Variants in ZNF460 observed in about 807,000 individuals in gnomAD.
ZNF460 encodes zinc finger protein 272.
In ZNF460, 1 loss-of-function variant was observed where a neutral mutation model predicts 8.4. That is an observed-to-expected ratio of 0.12 (90% CI 0.04 to 0.56). The LOEUF is 0.56. Ranked by LOEUF, ZNF460 falls within the 20% of genes least tolerant of loss-of-function variation. The probability of loss-of-function intolerance (pLI) is 0.91; values close to 1 mark genes in which losing one functional copy is unlikely to be tolerated. For missense variants in ZNF460, 477 were observed against 714.8 expected (o/e 0.67, Z 3.79); for synonymous variants, 262 against 259.9 (o/e 1.01, Z -0.08).
rs2087923571 is a variant in ZNF460 at position 57,292,197 on chromosome 19, CG to C, written c.1658del (p.Gly553AspfsTer3). The C allele has an allele frequency of 6.2e-7, 1 of 1,613,536 alleles. No individual in the cohort carries two copies. On this transcript the variant is annotated frameshift_variant, in exon 3 of 3. Coordinates refer to ENST00000360338, the MANE Select transcript of ZNF460 (RefSeq NM_006635.4). LOFTEE classifies it low-confidence loss of function (END_TRUNC). Reference protein sequence around the residue: ...AAHSSSLDINGFIVEETLPL With the variant: ...AAHSSSLDINXFIVEETLPL ...CTCATTCCTCCTCACTCGACATCAA[CG>C]GATTCATAGTGGAAGAAACCCTACC... is the stretch of plus-strand genomic sequence containing the variant.
chr19:57,289,878 C>T (rs1199220618), intron 2 of ZNF460, among the ~76,000 whole-genome samples: 2 of 151,956 alleles, frequency 1.3e-5, no homozygotes, highest in Non-Finnish European at 2.9e-5. Flanking sequence ...GGGTGGCTCA[C>T]ACCTGTAATT....
At position 57,280,550 on chromosome 19, in the gene ZNF460, A is replaced by G. The variant is rs547924839; in HGVS notation, c.-257A>G. The G allele has an allele frequency of 1.1e-5, 6 of 564,526 alleles. No homozygotes were observed. Among genetic ancestry groups the G allele is most frequent in the Non-Finnish European group, 1.9e-5 (6 of 315,862 alleles). The allele number at this position is 564,526 out of a possible 1,614,324, so 35.0% of individuals were successfully genotyped here. ...GCGGCCTGAGCAGGGACGGGTAGTGAAGCGGTTACGCCCCTTCTTCGCGTC... is the reference window on the plus strand; with the variant it reads ...GCGGCCTGAGCAGGGACGGGTAGTGGAGCGGTTACGCCCCTTCTTCGCGTC... On this transcript the variant is annotated 5_prime_UTR_variant, in exon 1 of 3. Transcript: ENST00000360338.
At position 57,290,796 on chromosome 19, in the gene ZNF460, A is replaced by G. The variant is rs748611173; in HGVS notation, c.255A>G (p.Pro85=). Residue 85 remains proline, a synonymous_variant, in exon 3 of 3, where the codon CCA becomes CCG. Coordinates refer to ENST00000360338, the MANE Select transcript of ZNF460 (RefSeq NM_006635.4). ...AGGAACAGCTGGCACAGGGAGTCCC[A>G]AGATACTCCTATTTGGGGCAGGCCA... ...SLQEQLAQGV[P]RYSYLGQAMD... 1 of 1,614,188 alleles carries G rather than the reference A, an allele frequency of 6.2e-7. No homozygotes were observed. The highest frequency in any genetic ancestry group is 8.5e-7 in the Non-Finnish European group (1 of 1,180,038).
chr19:57,280,940 C>A (rs2087833811), intron 1 of ZNF460, 104 bp downstream of exon 1: 10 of 1,517,626 alleles, frequency 6.6e-6, no homozygotes, highest in Non-Finnish European at 8.1e-6. Flanking sequence ...TTGTCGCCAT[C>A]GTTTATTTAA....
At chr19:57,285,201 T>C (rs754388558) in intron 2 of ZNF460, among the ~76,000 whole-genome samples, 4 of 152,124 alleles carry the variant, frequency 2.6e-5, no homozygotes, top group Non-Finnish European at 4.4e-5. Flanking sequence ...TTGCTTTTGG[T>C]CACAGCCAAA....
Position 57,291,951 on chromosome 19 carries a change from C to T in ZNF460, c.1410C>T (p.His470=). Residue 470 remains histidine, a synonymous_variant, in exon 3 of 3, where the codon CAC becomes CAT. Coordinates refer to ENST00000360338, the MANE Select transcript of ZNF460 (RefSeq NM_006635.4). The surrounding 1 kb of genome is among the most constrained non-coding windows in gnomAD (Gnocchi z 8.4). ...TTNLIRHFSI[H]TGEKPYECVE... ...ACCTGATTCGACACTTTAGCATCCA[C>T]ACTGGAGAGAAGCCCTATGAATGCG... The T allele has an allele frequency of 6.2e-7, 1 of 1,613,588 alleles. No homozygotes were observed. Among genetic ancestry groups the T allele is most frequent in the South Asian group, 1.1e-5 (1 of 90,988 alleles).
Position 57,291,725 on chromosome 19 carries a change from A to G in ZNF460, c.1184A>G (p.Lys395Arg). The G allele has an allele frequency of 6.2e-7, 1 of 1,613,968 alleles. No individual in the cohort carries two copies. The highest frequency in any genetic ancestry group is 8.5e-7 in the Non-Finnish European group (1 of 1,179,962). ...AHTGEKPFECKECGKAFSIRK... is the reference protein window; with the variant it reads ...AHTGEKPFECRECGKAFSIRK... ...ACTGGAGAAAAGCCTTTTGAGTGCA[A>G]AGAATGTGGGAAAGCCTTTAGCATT... Residue 395 changes from lysine to arginine, a missense_variant, in exon 3 of 3, where the codon AAA becomes AGA. Coordinates refer to ENST00000360338, the MANE Select transcript of ZNF460 (RefSeq NM_006635.4). The surrounding 1 kb of genome is among the most constrained non-coding windows in gnomAD (Gnocchi z 8.4).
In ZNF460 at chr19:57,292,184, C is replaced by G. The variant is rs1365806460; in HGVS notation, c.1643C>G (p.Ser548Ter). Residue 548 changes from serine to a stop codon, truncating the protein, a stop_gained, in exon 3 of 3, where the codon TCA becomes TGA. Transcript: ENST00000360338. LOFTEE classifies it low-confidence loss of function (END_TRUNC). ...CCTTCAATTGCCGCTCATTCCTCCT[C>G]ACTCGACATCAACGGATTCATAGTG... Reference protein sequence around the residue: ...ETPSIAAHSSSLDINGFIVEE... With the variant: ...ETPSIAAHSS The G allele has an allele frequency of 1.5e-5, 25 of 1,614,088 alleles. No individual in the cohort carries two copies. Among genetic ancestry groups the G allele is most frequent in the Non-Finnish European group, 2.1e-5 (25 of 1,179,942 alleles).
rs2087928722 is a variant in ZNF460 at position 57,292,852 on chromosome 19, A to C, written c.*622A>C. ...CATTGTCTCCACTCTTGAGGAGCAG[A>C]AGCATATATCTTTATGAGAAAGATG... On this transcript the variant is annotated 3_prime_UTR_variant, in exon 3 of 3. Coordinates refer to ENST00000360338, the MANE Select transcript of ZNF460 (RefSeq NM_006635.4). 1 of 152,434 alleles carries C rather than the reference A, an allele frequency of 6.6e-6. No individual in the cohort carries two copies. Among genetic ancestry groups the C allele is most frequent in the Non-Finnish European group, 1.5e-5 (1 of 68,198 alleles). 9.4% of individuals were successfully genotyped at this position (152,434 alleles called of 1,614,324 possible). A position where few individuals can be genotyped will look rare whatever the true frequency, so the allele number is the denominator to read the frequency against.
In ZNF460 at chr19:57,291,111, C is replaced by A. The variant is rs769594663; in HGVS notation, c.570C>A (p.Leu190=). 6.2e-7 allele frequency: 1 copy of A among 1,614,192 alleles called. No homozygotes were observed. Among genetic ancestry groups the A allele is most frequent in the East Asian group, 2.2e-5 (1 of 44,892 alleles). ...NCFLVQHEQI[L]PRVKPYDCPE... is the part of the protein sequence containing the mutation. ...TCCTTGTTCAGCATGAGCAGATTCT[C>A]CCTCGTGTGAAGCCCTATGATTGCC... The change falls in exon 3 of 3, where the codon CTC becomes CTA. Residue 190 remains leucine (L), a synonymous_variant. Coordinates refer to ENST00000360338, the MANE Select transcript of ZNF460 (RefSeq NM_006635.4). This position sits in a 1 kb window ranked among gnomAD's most constrained non-coding sequence, Gnocchi z 8.4.
chr19:57,287,680 C>T (rs1314234373), intron 2 of ZNF460, among the ~76,000 whole-genome samples: 2 of 152,214 alleles, frequency 1.3e-5, no homozygotes, highest in Non-Finnish European at 2.9e-5. Context: ...ATTTCACTTT[C>T]TGACCATGGA....
chr19:57,291,348 G>A lies in ZNF460; in HGVS notation c.807G>A (p.Arg269=), dbSNP rs370941598. The change falls in exon 3 of 3, where the codon CGG becomes CGA. Residue 269 remains arginine (R), a synonymous_variant. Transcript: ENST00000360338. The surrounding 1 kb of genome is among the most constrained non-coding windows in gnomAD (Gnocchi z 8.4). ...TCAATCGCGGGTCGCACCTTACACG[G>A]CACCAGCGGGTTCACAGTGGAGAGA... is the stretch of plus-strand genomic sequence containing the variant. ...RTFNRGSHLT[R]HQRVHSGEKP... 1.1e-4 allele frequency: 170 copies of A among 1,613,968 alleles called. 1 individual carries two copies. Among genetic ancestry groups the A allele is most frequent in the Admixed American group, 3.3e-4 (20 of 59,990 alleles).
rs1368435729 is a variant in ZNF460, at chr19:57,280,569, T to C, written c.-238T>C. 1.7e-6 allele frequency: 1 copy of C among 590,152 alleles called. No homozygotes were observed. Among genetic ancestry groups the C allele is most frequent in the East Asian group, 2.9e-5 (1 of 34,908 alleles). 36.6% of individuals were successfully genotyped at this position (590,152 alleles called of 1,614,324 possible). The stretch of plus-strand genomic sequence containing the variant: ...GTAGTGAAGCGGTTACGCCCCTTCT[T>C]CGCGTCTTGGCGGGAGCCTGACGCC... On this transcript the variant is annotated 5_prime_UTR_variant, in exon 1 of 3. Coordinates refer to ENST00000360338, the MANE Select transcript of ZNF460 (RefSeq NM_006635.4).
At position 57,284,347 on chromosome 19, in the gene ZNF460, G is replaced by A. The variant is rs146422752; in HGVS notation, c.31-204G>A. Among the ~76,000 whole-genome samples the A allele has an allele frequency of 1.9e-4, 29 of 151,546 alleles. No homozygotes were observed. The East Asian group carries it at 2.9e-3, about 15-fold the overall frequency. ...TTCAAGCAGTTCTCCTGCCTCAGCC[G>A]CTTCTGTCTCCTCTTCACTGCTGTA... On this transcript the variant is annotated intron_variant, in intron 1 of 2. Coordinates refer to ENST00000360338, the MANE Select transcript of ZNF460 (RefSeq NM_006635.4).
intron 2 of ZNF460, among the ~76,000 whole-genome samples, chr19:57,288,384 G>A (rs550267399): frequency 2.0e-5 from 3 of 152,182 alleles, no homozygotes; most frequent in East Asian, 3.9e-4. Flanking sequence ...TGTAGAGATG[G>A]GATATTGCTA....
intron 1 of ZNF460, among the ~76,000 whole-genome samples, chr19:57,281,626 C>T (rs772198727): frequency 5.7e-5 from 7 of 123,182 alleles, no homozygotes; most frequent in Non-Finnish European, 9.3e-5. Context: ...AGTGCAGTGG[C>T]GTGACCTCGG....
chr19:57,293,886 T>C lies in ZNF460; in HGVS notation c.*1656T>C, dbSNP rs2087936561. 6.6e-6 allele frequency: 1 copy of C among 152,232 alleles called. No individual in the cohort carries two copies. The highest frequency in any genetic ancestry group is 2.4e-5 in the African/African-American group (1 of 41,470). The allele number at this position is 152,232 out of a possible 1,614,324, so 9.4% of individuals were successfully genotyped here. ...TCTGTGTCTAGCTTATTTCACTTAA[T>C]GTCTTTCAAGCTCATTCATGTTGCT... On this transcript the variant is annotated 3_prime_UTR_variant, in exon 3 of 3. Coordinates refer to ENST00000360338, the MANE Select transcript of ZNF460 (RefSeq NM_006635.4).
intron 2 of ZNF460, among the ~76,000 whole-genome samples, chr19:57,285,652 A>G (rs945294199): frequency 1.1e-4 from 17 of 151,830 alleles, no homozygotes; most frequent in African/African-American, 3.4e-4. Flanking sequence ...TGATGTGTTG[A>G]TTTTGATGTT....
chr19:57,280,454 T>G (rs1054947432), upstream of ZNF460: 9 of 304,682 alleles, frequency 3.0e-5, no homozygotes, highest in Non-Finnish European at 5.0e-5. Context: ...CTTCTTCGTG[T>G]GACGTCATCT....
Sources: allele counts gnomAD v4.1 joint callset (sites outside exome capture counted in the v4.1 genomes callset), GRCh38; gene constraint gnomAD v4.1.1; non-coding constraint Gnocchi (gnomAD v3.1); transcripts MANE v1.5; gene names NCBI Gene and HGNC (gene_info 2026-07-23, HGNC 2026-07-21).